TMTC1: variants seen among roughly 807,000 people sequenced by gnomAD.
TMTC1 encodes protein O-mannosyl-transferase TMTC1.
TMTC1 carries 73 observed loss-of-function variants against 104.8 expected under a neutral mutation model. The observed-to-expected ratio is 0.70, with a 90% CI of 0.58 to 0.85. The LOEUF (loss-of-function observed/expected upper bound fraction) is 0.85, where lower values mean the gene tolerates loss of function less well. TMTC1 is among the 40% of genes least tolerant of loss of function. The pLI, the probability that TMTC1 is intolerant of heterozygous loss-of-function variation, is 0.00. For synonymous variants in TMTC1, 434 were observed against 428.7 expected (o/e 1.01, Z -0.15); for missense variants, 1,035 against 1,096.1 (o/e 0.94, Z 0.79).
At chr12:29,580,581 G>A (rs1462629799) in intron 8 of TMTC1, among the ~76,000 whole-genome samples, 1 of 152,164 alleles carries the variant, frequency 6.6e-6, no homozygotes, top group Non-Finnish European at 1.5e-5. Flanking sequence ...TTTTAGGAAT[G>A]GTCTATGGTT....
chr12:29,531,698 T>C (rs958869164), intron 11 of TMTC1, among the ~76,000 whole-genome samples: 21 of 152,232 alleles, frequency 1.4e-4, no homozygotes, highest in African/African-American at 4.8e-4. Context: ...GAGACCACCC[T>C]GACTTCAAAG....
At chr12:29,617,542 G>GAGAGAGAA (rs1947018236) in intron 6 of TMTC1, among the ~76,000 whole-genome samples, 1 of 148,636 alleles carries the variant, frequency 6.7e-6, no homozygotes, top group African/African-American at 2.6e-5. Context: ...ACAACAGAGA[G>GAGAGAGAA]AGAGAGAGAG....
intron 9 of TMTC1, among the ~76,000 whole-genome samples, chr12:29,568,235 A>G (rs1270729731): frequency 6.6e-6 from 1 of 152,216 alleles, no homozygotes; most frequent in Non-Finnish European, 1.5e-5. Context: ...AGCACAATAC[A>G]AAATTTAGTT....
At chr12:29,599,086 A>C (rs957889885) in intron 7 of TMTC1, among the ~76,000 whole-genome samples, 4 of 152,236 alleles carry the variant, frequency 2.6e-5, no homozygotes, top group African/African-American at 9.6e-5. Flanking sequence ...CTGGCATGTG[A>C]ATGAATATTC....
chr12:29,573,949 G>A (rs907357246), intron 8 of TMTC1, among the ~76,000 whole-genome samples: 1 of 152,088 alleles, frequency 6.6e-6, no homozygotes, highest in Non-Finnish European at 1.5e-5. Context: ...GAGACCTCCT[G>A]GGGGACTACT....
Position 29,596,012 on chromosome 12 carries a change from AT to A in TMTC1, c.1250+8165del, listed in dbSNP as rs553499127. Among the ~76,000 whole-genome samples, 370 of 146,104 alleles carry A rather than the reference AT, an allele frequency of 2.5e-3. 3 individuals carry two copies. The highest frequency in any genetic ancestry group is 3.7e-3 in the Middle Eastern group (1 of 272). On this transcript the variant is annotated intron_variant, in intron 7 of 17. Coordinates refer to ENST00000539277, the MANE Select transcript of TMTC1 (RefSeq NM_001193451.2). ...TTCTGTTTTATTGTTGTTGTTGTTC[AT>A]TTTTTTTTTTTGAGACGGAGTCTCA...
At chr12:29,660,799 C>T (rs952779620) in intron 5 of TMTC1, 23 of 1,126,960 alleles carry the variant, frequency 2.0e-5, no homozygotes, top group Non-Finnish European at 2.6e-5. Context: ...TATATATATA[C>T]TTACATAACT....
rs12425004 is a variant in TMTC1 at position 29,561,060 on chromosome 12, T to A, written c.1533-4060A>T. 9.5e-3 allele frequency among the ~76,000 whole-genome samples: 1,442 copies of A among 152,072 alleles called. 16 individuals carry two copies. Among genetic ancestry groups the A allele is most frequent in the South Asian group, 0.038 (181 of 4,818 alleles). ...TTGAGGAAAGGGAAACTGGGAGAAATTAAGTAAATAATAGATTATAAAAAA... is the reference window on the plus strand; with the variant it reads ...TTGAGGAAAGGGAAACTGGGAGAAAATAAGTAAATAATAGATTATAAAAAA... On this transcript the variant is annotated intron_variant, in intron 9 of 17. Transcript: ENST00000539277.
At chr12:29,745,964 A>T (rs1186950051) in intron 5 of TMTC1, among the ~76,000 whole-genome samples, 1 of 152,190 alleles carries the variant, frequency 6.6e-6, no homozygotes, top group African/African-American at 2.4e-5. Context: ...CCATAGTGAA[A>T]TGTGGACCAG....
chr12:29,675,941 G>A (rs1332004253), intron 5 of TMTC1, among the ~76,000 whole-genome samples: 2 of 152,180 alleles, frequency 1.3e-5, no homozygotes, highest in African/African-American at 4.8e-5. Context: ...GAATTATAAT[G>A]ACTTTGTTTA....
At chr12:29,512,950 A>G (rs534977039) in intron 16 of TMTC1, among the ~76,000 whole-genome samples, 2 of 152,310 alleles carry the variant, frequency 1.3e-5, no homozygotes, top group African/African-American at 4.8e-5. Context: ...ATATGACCAA[A>G]CAGGTCCATC....
At position 29,512,132 on chromosome 12, in the gene TMTC1, A is replaced by C; in HGVS notation, c.2431-12T>G. ...GCCACTCTATAGCTCTAAATAAATA[A>C]GAAATATCCTCAGGTTAGGAAACAA... On this transcript the variant is annotated splice_polypyrimidine_tract_variant and intron_variant, in intron 16 of 17. Coordinates refer to ENST00000539277, the MANE Select transcript of TMTC1 (RefSeq NM_001193451.2). 6.3e-7 allele frequency: 1 copy of C among 1,599,092 alleles called. No individual in the cohort carries two copies. The highest frequency in any genetic ancestry group is 8.5e-7 in the Non-Finnish European group (1 of 1,173,014).
At chr12:29,568,101 TATC>T (rs1188673551) in intron 9 of TMTC1, among the ~76,000 whole-genome samples, 2 of 152,228 alleles carry the variant, frequency 1.3e-5, no homozygotes, top group Non-Finnish European at 2.9e-5. Context: ...TAGGCACTAT[TATC>T]ATAACAAGTC....
chr12:29,659,493 C>G (rs552169881), intron 5 of TMTC1, among the ~76,000 whole-genome samples: 1 of 152,280 alleles, frequency 6.6e-6, no homozygotes, highest in African/African-American at 2.4e-5. Flanking sequence ...GTCAGCTCAC[C>G]ATCATCTTCG....
chr12:29,749,895 C>G (rs1239966636), intron 5 of TMTC1, among the ~76,000 whole-genome samples: 1 of 152,068 alleles, frequency 6.6e-6, no homozygotes, highest in Non-Finnish European at 1.5e-5. Context: ...TCCACCTCAT[C>G]TCTTCATTGC....
chr12:29,556,679 A>T (rs1413324819), intron 10 of TMTC1, among the ~76,000 whole-genome samples, 178 bp downstream of exon 10: 1 of 152,230 alleles, frequency 6.6e-6, no homozygotes, highest in African/African-American at 2.4e-5. Flanking sequence ...TGGGAAATAC[A>T]GCTTTTGACT....
At chr12:29,704,795 T>C (rs1452341976) in intron 5 of TMTC1, among the ~76,000 whole-genome samples, 1 of 152,200 alleles carries the variant, frequency 6.6e-6, no homozygotes, top group African/African-American at 2.4e-5. Flanking sequence ...CTAGGCTAGA[T>C]GAATGGATCC....
At chr12:29,668,740 C>A (rs1018711908) in intron 5 of TMTC1, among the ~76,000 whole-genome samples, 2 of 152,168 alleles carry the variant, frequency 1.3e-5, no homozygotes, top group African/African-American at 4.8e-5. Context: ...GGATTACAGG[C>A]ATGAGCCACT....
chr12:29,748,275 T>C (rs1056052110), intron 5 of TMTC1, among the ~76,000 whole-genome samples: 11 of 152,154 alleles, frequency 7.2e-5, no homozygotes, highest in Non-Finnish European at 1.5e-4. Flanking sequence ...CTACAAAGCA[T>C]GTCACCTAGC....
Sources: allele counts gnomAD v4.1 joint callset (sites outside exome capture counted in the v4.1 genomes callset), GRCh38; gene constraint gnomAD v4.1.1; transcripts MANE v1.5; gene names NCBI Gene and HGNC (gene_info 2026-07-23, HGNC 2026-07-21).